CELF4: variants seen among roughly 807,000 people sequenced by gnomAD.
CELF4 encodes the protein CUGBP Elav-like family member 4.
CELF4 carries 18 observed loss-of-function variants against 59.9 expected under a neutral mutation model. The ratio of observed to expected loss-of-function variants is 0.30; its 90% confidence interval spans 0.21 to 0.45. The LOEUF (loss-of-function observed/expected upper bound fraction) is 0.45. Among genes scored for constraint, CELF4 ranks in the 20% least tolerant of loss-of-function variants. CELF4 has a pLI of 1.00. For synonymous variants in CELF4, 261 were observed against 267.1 expected (o/e 0.98, Z 0.22); for missense variants, 456 against 689.0 (o/e 0.66, Z 3.79).
intron 12 of CELF4, among the ~76,000 whole-genome samples, chr18:37,250,729 G>GAGA (rs2064979186): frequency 6.6e-6 from 1 of 152,156 alleles, no homozygotes; most frequent in South Asian, 2.1e-4. Context: ...ACTGCCTCAA[G>GAGA]GCAGTCCCCA....
Position 37,253,753 on chromosome 18 carries a change from C to T in CELF4, c.*44+14G>A. 1.9e-6 allele frequency: 3 copies of T among 1,550,278 alleles called. No homozygotes were observed. Among genetic ancestry groups the T allele is most frequent in the South Asian group, 1.2e-5 (1 of 85,356 alleles). On this transcript the variant is annotated intron_variant, in intron 12 of 12. Coordinates refer to ENST00000420428, the MANE Select transcript of CELF4 (RefSeq NM_020180.4). This position sits in a 1 kb window ranked among gnomAD's most constrained non-coding sequence, Gnocchi z 4.5. ...CCCAACCCCCGTCCCCGCGCCCCGGCCGCCCCCGGTTACCTGTGCGAGTCC... is the reference window on the plus strand; with the variant it reads ...CCCAACCCCCGTCCCCGCGCCCCGGTCGCCCCCGGTTACCTGTGCGAGTCC...
intron 3 of CELF4, 80 bp from the exon 4 acceptor site, chr18:37,275,323 G>T: frequency 1.3e-6 from 2 of 1,503,226 alleles, no homozygotes; most frequent in Non-Finnish European, 8.9e-7. Flanking sequence ...GGGGGAGAGC[G>T]GCAGGGAAAG....
chr18:37,355,698 AAAAG>A (rs1262889337), intron 2 of CELF4, among the ~76,000 whole-genome samples: 2 of 152,170 alleles, frequency 1.3e-5, no homozygotes, highest in African/African-American at 4.8e-5. Flanking sequence ...TCCAAAAAAC[AAAAG>A]AAAGAAAACA....
rs1485752844 is a variant in CELF4 at position 37,485,584 on chromosome 18, C to T, written c.310G>A (p.Glu104Lys). Reference protein sequence around the residue: ...HKGCAFLTYCERESALKAQSA... With the variant: ...HKGCAFLTYCKRESALKAQSA... ...TGGGCCTTCAGCGCTGACTCACGCT[C>T]GCAGTAGGTGAGGAAGGCGCAGCCT... Residue 104 changes from glutamate to lysine, a missense_variant, in exon 2 of 13, where the codon GAG (glutamate) becomes AAG (lysine). By Grantham distance (56) the Glu-to-Lys change is moderately conservative. Around this residue, in one of 7 missense-constraint regions of CELF4, gnomAD observed 63 missense variants for 110.6 expected, o/e 0.57. Transcript: ENST00000420428. The T allele has an allele frequency of 2.1e-6, 3 of 1,460,132 alleles. No individual in the cohort carries two copies. Among genetic ancestry groups the T allele is most frequent in the African/African-American group, 1.4e-5 (1 of 69,508 alleles). The allele number at this position is 1,460,132 out of a possible 1,614,324, so 90.4% of individuals were successfully genotyped here. A position where few individuals can be genotyped will look rare whatever the true frequency, so the allele number is the denominator to read the frequency against.
At chr18:37,465,268 A>C (rs970272209) in intron 2 of CELF4, among the ~76,000 whole-genome samples, 2 of 152,192 alleles carry the variant, frequency 1.3e-5, no homozygotes, top group Non-Finnish European at 2.9e-5. Context: ...CCCAGTCCTC[A>C]ATAAAGAATG....
At chr18:37,296,650 C>T (rs1176545655) in intron 3 of CELF4, among the ~76,000 whole-genome samples, 1 of 152,188 alleles carries the variant, frequency 6.6e-6, no homozygotes, top group Non-Finnish European at 1.5e-5. Context: ...TTGTGGGCAT[C>T]CTGGTTTGGC....
intron 2 of CELF4, among the ~76,000 whole-genome samples, chr18:37,479,293 G>A (rs1455831145): frequency 1.3e-5 from 2 of 152,254 alleles, no homozygotes; most frequent in Non-Finnish European, 2.9e-5. Flanking sequence ...GAACCAGCAA[G>A]TAAGGGAGGA....
intron 3 of CELF4, among the ~76,000 whole-genome samples, chr18:37,320,076 G>A (rs888052224): frequency 2.4e-4 from 37 of 151,690 alleles, no homozygotes; most frequent in African/African-American, 8.7e-4. Context: ...GGTGGCTCAC[G>A]CCTGTAATCC....
chr18:37,266,214 T>C lies in CELF4; in HGVS notation c.1165+319A>G, dbSNP rs550359158. On this transcript the variant is annotated intron_variant, in intron 9 of 12. Transcript: ENST00000420428. ...GTGCTGGTGTCAGACCTGGTGCTCCTGGGCAAAGTGGCCCTGGAAGCTCCA... is the reference window on the plus strand; with the variant it reads ...GTGCTGGTGTCAGACCTGGTGCTCCCGGGCAAAGTGGCCCTGGAAGCTCCA... 2.0e-5 allele frequency: 10 copies of C among 494,592 alleles called. No homozygotes were observed. The South Asian group carries it at 2.1e-4, about 10-fold the overall frequency. 30.6% of individuals were successfully genotyped at this position (494,592 alleles called of 1,614,324 possible).
intron 11 of CELF4, among the ~76,000 whole-genome samples, chr18:37,255,290 C>T (rs2068532177): frequency 6.6e-6 from 1 of 151,828 alleles, no homozygotes; most frequent in Admixed American, 6.6e-5. Flanking sequence ...GACTTCTCTC[C>T]AAGAAAGAGA....
intron 1 of CELF4, among the ~76,000 whole-genome samples, chr18:37,512,135 G>A (rs1013581238): frequency 2.0e-5 from 3 of 152,314 alleles, no homozygotes; most frequent in South Asian, 2.1e-4. Flanking sequence ...GGGACAGTTG[G>A]GGGGCAGGGG....
intron 2 of CELF4, among the ~76,000 whole-genome samples, chr18:37,428,899 C>T (rs2099630939): frequency 6.6e-6 from 1 of 152,222 alleles, no homozygotes; most frequent in South Asian, 2.1e-4. Flanking sequence ...ATCCAGAGGG[C>T]ACACAGCAAG....
intron 8 of CELF4, among the ~76,000 whole-genome samples, chr18:37,267,034 G>A (rs1389764258): frequency 6.6e-6 from 1 of 152,156 alleles, no homozygotes; most frequent in Non-Finnish European, 1.5e-5. Context: ...GGGCAAGAAG[G>A]CCTCACACTA....
chr18:37,541,767 G>A lies in CELF4; in HGVS notation c.286+23589C>T, dbSNP rs188268356. On this transcript the variant is annotated intron_variant, in intron 1 of 12. Coordinates refer to ENST00000420428, the MANE Select transcript of CELF4 (RefSeq NM_020180.4). ...GGCCTTTGCACCTGCTGTTCTCTCT[G>A]CTGGAAGTGCTTTCTCCCGCCATGT... 2.0e-5 allele frequency among the ~76,000 whole-genome samples: 3 copies of A among 151,838 alleles called. No homozygotes were observed. The East Asian group carries it at 5.8e-4, about 30-fold the overall frequency.
At chr18:37,288,020 G>A (rs1211736121) in intron 3 of CELF4, among the ~76,000 whole-genome samples, 1 of 152,194 alleles carries the variant, frequency 6.6e-6, no homozygotes, top group Non-Finnish European at 1.5e-5. Context: ...CTGCTGGGGT[G>A]CTGACTCTCA....
intron 1 of CELF4, among the ~76,000 whole-genome samples, chr18:37,548,830 T>A (rs968009082): frequency 3.9e-5 from 6 of 152,160 alleles, no homozygotes; most frequent in African/African-American, 1.4e-4. Flanking sequence ...ATGTGGCTCC[T>A]ACGTGGAGTA....
chr18:37,490,299 A>AT (rs1288346524), intron 1 of CELF4, among the ~76,000 whole-genome samples: 11 of 152,140 alleles, frequency 7.2e-5, no homozygotes, highest in African/African-American at 2.2e-4. Flanking sequence ...TATGTTTCCT[A>AT]TGACTTTCAC....
intron 1 of CELF4, among the ~76,000 whole-genome samples, chr18:37,514,265 G>A (rs888507372): frequency 2.0e-5 from 3 of 152,066 alleles, no homozygotes; most frequent in Non-Finnish European, 4.4e-5. Context: ...ACAGCTGAAA[G>A]TACGGCCCTC....
At chr18:37,261,111 C>G (rs557359820) in intron 10 of CELF4, among the ~76,000 whole-genome samples, 1 of 152,020 alleles carries the variant, frequency 6.6e-6, no homozygotes, top group African/African-American at 2.4e-5. Context: ...TGCTCATGCC[C>G]GAATCCACAC....
Sources: gnomAD v4.1 joint callset for allele counts (sites outside exome capture counted in the v4.1 genomes callset) on GRCh38, gnomAD v4.1.1 for gene constraint, gnomAD v4.1.1 regional missense constraint, Gnocchi (gnomAD v3.1) non-coding constraint, MANE v1.5 for transcripts, NCBI Gene and HGNC (gene_info 2026-07-23, HGNC 2026-07-21) for gene names.